MCF2L2: variants seen among roughly 807,000 people sequenced by gnomAD.
MCF2L2 encodes probable guanine nucleotide exchange factor MCF2L2.
In MCF2L2, 102 loss-of-function variants were observed where a neutral mutation model predicts 150.2. The ratio of observed to expected loss-of-function variants is 0.68; its 90% CI spans 0.58 to 0.80. MCF2L2 has a LOEUF of 0.80. Ranked by LOEUF, MCF2L2 falls within the 30% of genes least tolerant of loss-of-function variation. The pLI is 0.00. For synonymous variants in MCF2L2, 465 were observed against 491.3 expected (o/e 0.95, Z 0.71); for missense variants, 1,256 against 1,372.8 (o/e 0.91, Z 1.34).
intron 13 of MCF2L2, among the ~76,000 whole-genome samples, chr3:183,294,618 T>C (rs1240188882): frequency 7.7e-6 from 1 of 129,268 alleles, no homozygotes; most frequent in African/African-American, 3.2e-5. Flanking sequence ...TGTGTGTGTA[T>C]ATATATATAT....
chr3:183,320,468 G>T (rs1414491286), intron 6 of MCF2L2, among the ~76,000 whole-genome samples: 1 of 152,150 alleles, frequency 6.6e-6, no homozygotes, highest in African/African-American at 2.4e-5. Flanking sequence ...GCAGCACCTT[G>T]CACTTGTATG....
At chr3:183,278,215 T>A (rs915641164) in intron 14 of MCF2L2, among the ~76,000 whole-genome samples, 4 of 148,736 alleles carry the variant, frequency 2.7e-5, no homozygotes, top group African/African-American at 1.0e-4. Flanking sequence ...TATATATTTT[T>A]TATTATATTG....
chr3:183,419,083 G>A (rs1399963345), intron 1 of MCF2L2, among the ~76,000 whole-genome samples: 1 of 152,208 alleles, frequency 6.6e-6, no homozygotes, highest in Non-Finnish European at 1.5e-5. Context: ...CTCACCTCTT[G>A]TTCTGTGCAC....
At chr3:183,416,564 A>G (rs1485151331) in intron 1 of MCF2L2, among the ~76,000 whole-genome samples, 2 of 152,208 alleles carry the variant, frequency 1.3e-5, no homozygotes, top group African/African-American at 4.8e-5. Flanking sequence ...AATGCACTTA[A>G]TGCTGGCAAC....
intron 15 of MCF2L2, among the ~76,000 whole-genome samples, chr3:183,232,320 C>T (rs1723595505): frequency 6.6e-6 from 1 of 152,166 alleles, no homozygotes; most frequent in African/African-American, 2.4e-5. Flanking sequence ...GAAAACACAG[C>T]CAGCCAACAC....
intron 25 of MCF2L2, among the ~76,000 whole-genome samples, chr3:183,198,761 G>A (rs1722158129): frequency 6.6e-6 from 1 of 152,072 alleles, no homozygotes. Context: ...AATGCAGGTG[G>A]TCCTTAAACC....
intron 5 of MCF2L2, among the ~76,000 whole-genome samples, chr3:183,338,200 A>T (rs747893368): frequency 6.6e-6 from 1 of 151,742 alleles, no homozygotes; most frequent in Non-Finnish European, 1.5e-5. Flanking sequence ...TAATCCCAGC[A>T]CTTTGGGAGG....
At chr3:183,381,678 G>A (rs1420010680) in intron 2 of MCF2L2, among the ~76,000 whole-genome samples, 4 of 152,084 alleles carry the variant, frequency 2.6e-5, no homozygotes, top group Non-Finnish European at 5.9e-5. Context: ...TGTCTGGATG[G>A]TCAGTCATCC....
At chr3:183,284,695 C>A (rs1169266391) in intron 14 of MCF2L2, among the ~76,000 whole-genome samples, 2 of 150,176 alleles carry the variant, frequency 1.3e-5, no homozygotes, top group Non-Finnish European at 3.0e-5. Flanking sequence ...AAGTGAGACT[C>A]TGTCTCCAAA....
intron 7 of MCF2L2, among the ~76,000 whole-genome samples, chr3:183,315,736 G>T (rs1729577336): frequency 6.6e-6 from 1 of 152,188 alleles, no homozygotes; most frequent in Non-Finnish European, 1.5e-5. Flanking sequence ...CTTTGCCTGT[G>T]TAGAGAAACT....
At chr3:183,398,252 TCTTA>T (rs1455370109) in intron 1 of MCF2L2, among the ~76,000 whole-genome samples, 2 of 152,166 alleles carry the variant, frequency 1.3e-5, no homozygotes, top group Non-Finnish European at 2.9e-5. Context: ...AAAAATGATG[TCTTA>T]CTTCTAAGCT....
chr3:183,357,692 C>T (rs1050206820), intron 3 of MCF2L2, among the ~76,000 whole-genome samples: 2 of 152,122 alleles, frequency 1.3e-5, no homozygotes, highest in Non-Finnish European at 2.9e-5. Context: ...TATGCAAGCA[C>T]GCCCATGAAG....
At position 183,323,029 on chromosome 3, in the gene MCF2L2, G is replaced by A. The variant is rs536458406; in HGVS notation, c.603+206C>T. Among the ~76,000 whole-genome samples the A allele has an allele frequency of 3.9e-5, 6 of 152,282 alleles. No individual in the cohort carries two copies. In the South Asian group the frequency reaches 1.2e-3, roughly 32 times the overall value. On this transcript the variant is annotated intron_variant, in intron 6 of 29. Coordinates refer to ENST00000328913, the MANE Select transcript of MCF2L2 (RefSeq NM_015078.4). Reference sequence around the variant, plus strand: ...TCCCAAAACCCCCACACCGGGAGATGCAGTGGGGTAAGGTGGTCAACAGGA... The same window carrying A: ...TCCCAAAACCCCCACACCGGGAGATACAGTGGGGTAAGGTGGTCAACAGGA...
At chr3:183,294,266 C>T (rs1269332349) in intron 13 of MCF2L2, among the ~76,000 whole-genome samples, 1 of 152,152 alleles carries the variant, frequency 6.6e-6, no homozygotes, top group African/African-American at 2.4e-5. Context: ...TACTCCATTG[C>T]TAATAAAACA....
At position 183,304,462 on chromosome 3, in the gene MCF2L2, ATTTT is replaced by A. The variant is rs36115279; in HGVS notation, c.1114-4270_1114-4267del. ...TGGAATACTCATTCCCTGGGCAGTGATTTTTTTTTTTTTTTTTTTTTTGAGATGG... is the reference window on the plus strand; with the variant it reads ...TGGAATACTCATTCCCTGGGCAGTGATTTTTTTTTTTTTTTTTTGAGATGG... On this transcript the variant is annotated intron_variant, in intron 10 of 29. Coordinates refer to ENST00000328913, the MANE Select transcript of MCF2L2 (RefSeq NM_015078.4). 5.9e-3 allele frequency among the ~76,000 whole-genome samples: 678 copies of A among 114,064 alleles called. 3 individuals are homozygous for A. The highest frequency in any genetic ancestry group is 0.023 in the South Asian group (76 of 3,364). 74.8% of individuals were successfully genotyped at this position (114,064 alleles called of 152,430 possible).
intron 26 of MCF2L2, among the ~76,000 whole-genome samples, chr3:183,193,570 T>C (rs1050589415): frequency 2.0e-5 from 3 of 152,108 alleles, no homozygotes; most frequent in South Asian, 2.1e-4. Flanking sequence ...AGGATGGTCT[T>C]GATCTCTTGA....
chr3:183,209,700 G>A (rs2108650002), intron 22 of MCF2L2, among the ~76,000 whole-genome samples: 1 of 152,186 alleles, frequency 6.6e-6, no homozygotes, highest in East Asian at 1.9e-4. Context: ...TGTTGGCCAG[G>A]CTGGTCTCGA....
chr3:183,271,191 C>G, intron 15 of MCF2L2: 1 of 321,844 alleles, frequency 3.1e-6, no homozygotes, highest in Non-Finnish European at 5.9e-6. Flanking sequence ...AAGGGAAGTT[C>G]AAGTTCTCAT....
At chr3:183,302,275 C>G (rs1041242909) in intron 10 of MCF2L2, among the ~76,000 whole-genome samples, 1 of 152,174 alleles carries the variant, frequency 6.6e-6, no homozygotes, top group Non-Finnish European at 1.5e-5. Context: ...GATCATAACT[C>G]TAATACAGCT....
Sources: allele counts gnomAD v4.1 joint callset (sites outside exome capture counted in the v4.1 genomes callset), GRCh38; gene constraint gnomAD v4.1.1; transcripts MANE v1.5; gene names NCBI Gene and HGNC (gene_info 2026-07-23, HGNC 2026-07-21).